Variants in INTS14 observed in about 807,000 individuals in gnomAD.
INTS14 encodes the protein UPF0464 protein C15orf44.
In INTS14, 27 loss-of-function variants were observed where a neutral mutation model predicts 56.9. The observed-to-expected ratio is 0.47, with a 90% confidence interval of 0.35 to 0.65. The LOEUF (loss-of-function observed/expected upper bound fraction) is 0.65. Among genes scored for constraint, INTS14 ranks in the 30% least tolerant of loss-of-function variants. The pLI is 0.00. For synonymous variants in INTS14, 207 were observed against 236.2 expected, an observed-to-expected ratio of 0.88 and a Z score of 1.13; for missense variants, 517 against 632.2, an observed-to-expected ratio of 0.82 and a Z score of 1.95.
At chr15:65,596,615 G>C (rs982513627) in intron 6 of INTS14, among the ~76,000 whole-genome samples, 2 of 152,012 alleles carry the variant, frequency 1.3e-5, no homozygotes, top group African/African-American at 4.8e-5. Context: ...TTGTTGCCCA[G>C]GCTGGAGTGC....
intron 6 of INTS14, among the ~76,000 whole-genome samples, chr15:65,597,260 A>T (rs2073247068): frequency 2.6e-5 from 4 of 152,204 alleles, no homozygotes. Flanking sequence ...AAATCTGTAT[A>T]CCACAAACAA....
At chr15:65,582,574 T>C (rs1226469517) in intron 10 of INTS14, among the ~76,000 whole-genome samples, 1 of 152,114 alleles carries the variant, frequency 6.6e-6, no homozygotes, top group Non-Finnish European at 1.5e-5. Flanking sequence ...TAGTGAGATG[T>C]GTTTCTCAAG....
chr15:65,607,054 C>T, intron 2 of INTS14, 105 bp downstream of exon 2: 1 of 1,388,090 alleles, frequency 7.2e-7, no homozygotes, highest in South Asian at 1.4e-5. Flanking sequence ...TACTCATAGA[C>T]TTATTAAATA....
intron 9 of INTS14, among the ~76,000 whole-genome samples, chr15:65,590,074 A>G (rs768505767): frequency 6.6e-6 from 1 of 152,174 alleles, no homozygotes; most frequent in African/African-American, 2.4e-5. Context: ...TTCTCTCTCC[A>G]TAATTTTCAT....
intron 2 of INTS14, among the ~76,000 whole-genome samples, chr15:65,606,457 G>A (rs988551629): frequency 6.8e-6 from 1 of 147,760 alleles, no homozygotes; most frequent in African/African-American, 2.5e-5. Flanking sequence ...ATCTTGCCAT[G>A]TTGTCCAGGC....
chr15:65,598,214 T>C lies in INTS14; in HGVS notation c.748+107A>G, dbSNP rs2073282950. ...GGAATACTCAACCTGTACCACAATA[T>C]ATATTTCTTTTCAACCTTCCTAGAC... On this transcript the variant is annotated intron_variant, in intron 6 of 11. Transcript: ENST00000313182. 3.1e-5 allele frequency: 36 copies of C among 1,153,406 alleles called. No homozygotes were observed. The South Asian group carries it at 5.6e-4, about 18-fold the overall frequency. 71.4% of individuals were successfully genotyped at this position (1,153,406 alleles called of 1,614,324 possible). A position where few individuals can be genotyped will look rare whatever the true frequency, so the allele number is the denominator to read the frequency against.
intron 9 of INTS14, among the ~76,000 whole-genome samples, chr15:65,591,062 G>A (rs1364387655): frequency 6.6e-6 from 1 of 152,024 alleles, no homozygotes; most frequent in Non-Finnish European, 1.5e-5. Context: ...TATAGATTTG[G>A]GAAATGTGAA....
intron 9 of INTS14, 138 bp from the exon 10 acceptor site, chr15:65,585,026 A>C: frequency 1.4e-6 from 1 of 740,158 alleles, no homozygotes; most frequent in Non-Finnish European, 2.1e-6. Flanking sequence ...CATTAACTTC[A>C]GTCAGGTTGG....
chr15:65,584,970 A>C (rs2072763992), intron 9 of INTS14, 82 bp from the exon 10 acceptor site: 2 of 1,146,682 alleles, frequency 1.7e-6, no homozygotes, highest in Non-Finnish European at 2.5e-6. Flanking sequence ...AGCTCTTTGA[A>C]TCACTCAATC....
At position 65,584,875 on chromosome 15, in the gene INTS14, G is replaced by A. The variant is rs943423251; in HGVS notation, c.1134C>T (p.Asn378=). The change falls in exon 10 of 12, where the codon AAC becomes AAT. Residue 378 remains asparagine, a synonymous_variant. Coordinates refer to ENST00000313182, the MANE Select transcript of INTS14 (RefSeq NM_001394796.1). The part of the protein sequence containing the change: ...QLGPISDAKE[N]PYGEDDNKSP... ...TCTTATTGTCATCCTCGCCATAAGGGTTTTCTTTAGCATCTTAAAAGAAAA... is the reference window on the plus strand; with the variant it reads ...TCTTATTGTCATCCTCGCCATAAGGATTTTCTTTAGCATCTTAAAAGAAAA... 5.6e-6 allele frequency: 9 copies of A among 1,609,792 alleles called. No homozygotes were observed. The highest frequency in any genetic ancestry group is 2.7e-5 in the African/African-American group (2 of 74,666).
chr15:65,581,791 G>C (rs1384155233), intron 11 of INTS14, among the ~76,000 whole-genome samples, 163 bp downstream of exon 11: 3 of 151,182 alleles, frequency 2.0e-5, no homozygotes. Context: ...CCAATTCTTG[G>C]ATTTTAGGGA....
chr15:65,590,959 G>C (rs553647183), intron 9 of INTS14, among the ~76,000 whole-genome samples: 1 of 152,310 alleles, frequency 6.6e-6, no homozygotes, highest in African/African-American at 2.4e-5. Flanking sequence ...AGCTGAGCTT[G>C]AGACTGTGAC....
At chr15:65,595,659 T>C in intron 7 of INTS14, 74 bp downstream of exon 7, 4 of 1,225,146 alleles carry the variant, frequency 3.3e-6, no homozygotes, top group Non-Finnish European at 4.6e-6. Context: ...AAATGGGCTA[T>C]CCTACTATCT....
chr15:65,598,838 AAAG>A (rs1364137267), intron 5 of INTS14, 31 bp downstream of exon 5: 1 of 1,499,076 alleles, frequency 6.7e-7, no homozygotes, highest in Non-Finnish European at 9.2e-7. Flanking sequence ...ACTGGATTGT[AAAG>A]AAGGCAAAAG....
intron 4 of INTS14, 30 bp from the exon 5 acceptor site, chr15:65,599,020 T>G: frequency 6.5e-7 from 1 of 1,545,212 alleles, no homozygotes; most frequent in Non-Finnish European, 8.8e-7. Flanking sequence ...ACCCTTAAAG[T>G]GGCTGGCACA....
intron 2 of INTS14, among the ~76,000 whole-genome samples, chr15:65,606,301 A>G (rs1361189837): frequency 6.6e-6 from 1 of 152,112 alleles, no homozygotes; most frequent in African/African-American, 2.4e-5. Flanking sequence ...ATTATTTAAC[A>G]AAATTTTGTT....
intron 11 of INTS14, 102 bp from the exon 12 acceptor site, chr15:65,579,761 G>A: frequency 6.9e-7 from 1 of 1,455,296 alleles, no homozygotes; most frequent in East Asian, 2.5e-5. Context: ...TGAACTTTAG[G>A]GAGCAATTTT....
At chr15:65,595,663 A>G in intron 7 of INTS14, 70 bp downstream of exon 7, 2 of 1,264,206 alleles carry the variant, frequency 1.6e-6, no homozygotes, top group Non-Finnish European at 2.2e-6. Context: ...GGGCTATCCT[A>G]CTATCTAAGA....
intron 1 of INTS14, among the ~76,000 whole-genome samples, chr15:65,607,783 G>A (rs1421951349): frequency 6.6e-6 from 1 of 152,108 alleles, no homozygotes; most frequent in African/African-American, 2.4e-5. Context: ...ATTTACTGAA[G>A]AACATTTCTA....
Sources: allele counts gnomAD v4.1 joint callset (sites outside exome capture counted in the v4.1 genomes callset), GRCh38; gene constraint gnomAD v4.1.1; transcripts MANE v1.5; gene names NCBI Gene and HGNC (gene_info 2026-07-23, HGNC 2026-07-21).